SORCS2: variants seen among roughly 807,000 people sequenced by gnomAD.
SORCS2 encodes VPS10 domain-containing receptor SorCS2.
A neutral mutation model predicts 141.6 loss-of-function variants in SORCS2; 100 were observed. The ratio of observed to expected loss-of-function variants is 0.71; its 90% CI spans 0.60 to 0.83. SORCS2 has a LOEUF of 0.83. SORCS2 is among the 40% of genes least tolerant of loss of function. The pLI, the probability that SORCS2 is intolerant of heterozygous loss-of-function variation, is 0.00. For synonymous variants in SORCS2, 789 were observed against 676.9 expected (o/e 1.17, Z -2.57); for missense variants, 1,646 against 1,560.2 (o/e 1.05, Z -0.93).
chr4:7,668,740 A>G (rs1419822302), intron 8 of SORCS2, among the ~76,000 whole-genome samples: 1 of 152,254 alleles, frequency 6.6e-6, no homozygotes, highest in African/African-American at 2.4e-5. Context: ...AGGCAAAGGC[A>G]GTAGGTGTCT....
At chr4:7,645,373 G>A (rs546542806) in intron 4 of SORCS2, among the ~76,000 whole-genome samples, 31 of 152,328 alleles carry the variant, frequency 2.0e-4, no homozygotes, top group Non-Finnish European at 3.7e-4. Flanking sequence ...GTGTGACCTT[G>A]AGTAACTTAC....
chr4:7,305,344 G>C (rs1319944432), intron 1 of SORCS2, among the ~76,000 whole-genome samples: 1 of 89,920 alleles, frequency 1.1e-5, no homozygotes. Flanking sequence ...TCTGGCTCTT[G>C]TCCCATTTCT....
At chr4:7,602,949 G>A (rs1717829698) in intron 3 of SORCS2, among the ~76,000 whole-genome samples, 1 of 152,252 alleles carries the variant, frequency 6.6e-6, no homozygotes, top group Non-Finnish European at 1.5e-5. Flanking sequence ...TCGCGGTCAG[G>A]AGCTGGAGAC....
At chr4:7,248,583 T>G (rs1352483970) in intron 1 of SORCS2, among the ~76,000 whole-genome samples, 1 of 152,264 alleles carries the variant, frequency 6.6e-6, no homozygotes, top group African/African-American at 2.4e-5. Flanking sequence ...GACCCTGGGC[T>G]GTGTGCCTGT....
At chr4:7,420,509 A>G (rs1252681931) in intron 2 of SORCS2, among the ~76,000 whole-genome samples, 1 of 152,078 alleles carries the variant, frequency 6.6e-6, no homozygotes, top group Non-Finnish European at 1.5e-5. Flanking sequence ...GGCACTGGAG[A>G]GGTTCTGGCA....
Position 7,419,039 on chromosome 4 carries a change from A to T in SORCS2, c.548+22684A>T, listed in dbSNP as rs372022907. ...ATGGACTTGGAAGTCACGTAAGATC[A>T]CTTCTGCAAATCTCATTGGCCAAAG... On this transcript the variant is annotated intron_variant, in intron 2 of 26. Transcript: ENST00000507866. 6.1e-4 allele frequency among the ~76,000 whole-genome samples: 93 copies of T among 152,364 alleles called. 1 individual carries two copies. Among genetic ancestry groups the T allele is most frequent in the African/African-American group, 2.1e-3 (89 of 41,596 alleles).
intron 2 of SORCS2, among the ~76,000 whole-genome samples, chr4:7,522,060 A>G (rs1733361949): frequency 6.6e-6 from 1 of 152,216 alleles, no homozygotes; most frequent in Non-Finnish European, 1.5e-5. Flanking sequence ...CAGGACAGGC[A>G]CAGGAGGTCC....
chr4:7,651,380 G>A (rs899852496), intron 4 of SORCS2, among the ~76,000 whole-genome samples: 3 of 152,202 alleles, frequency 2.0e-5, no homozygotes, highest in Admixed American at 6.5e-5. Flanking sequence ...GGTGAGGATG[G>A]GAGCCCAGGC....
chr4:7,486,075 A>T (rs1024776250), intron 2 of SORCS2, among the ~76,000 whole-genome samples: 5 of 152,130 alleles, frequency 3.3e-5, no homozygotes, highest in Admixed American at 3.3e-4. Flanking sequence ...CAGCCTGGGG[A>T]TGGCAACTCC....
chr4:7,558,351 C>T (rs1577746234), intron 3 of SORCS2, among the ~76,000 whole-genome samples: 4 of 152,280 alleles, frequency 2.6e-5, no homozygotes. Context: ...AATAGTACCC[C>T]TCTATCAGTT....
At position 7,220,821 on chromosome 4, in the gene SORCS2, G is replaced by T. The variant is rs114197703; in HGVS notation, c.480+27695G>T. ...TCACCGAGCAGTGGGAAGTGACTTG[G>T]GGATGAGTTTGTGAGAAATTTCCAG... On this transcript the variant is annotated intron_variant, in intron 1 of 26. Transcript: ENST00000507866. 9.5e-3 allele frequency among the ~76,000 whole-genome samples: 1,442 copies of T among 152,184 alleles called. 21 individuals are homozygous for T. The highest frequency in any genetic ancestry group is 0.033 in the African/African-American group (1,359 of 41,510).
At chr4:7,488,953 C>G (rs931332282) in intron 2 of SORCS2, among the ~76,000 whole-genome samples, 1 of 152,264 alleles carries the variant, frequency 6.6e-6, no homozygotes, top group African/African-American at 2.4e-5. Context: ...TAAATGGTCA[C>G]TAGCTACATT....
chr4:7,314,271 A>C (rs897213093), intron 1 of SORCS2, among the ~76,000 whole-genome samples: 2 of 151,970 alleles, frequency 1.3e-5, no homozygotes, highest in African/African-American at 4.8e-5. Flanking sequence ...TGCGACATGC[A>C]GGGCTCCGCA....
chr4:7,556,293 C>T (rs1714100064), intron 3 of SORCS2, among the ~76,000 whole-genome samples: 1 of 152,034 alleles, frequency 6.6e-6, no homozygotes, highest in South Asian at 2.1e-4. Flanking sequence ...AATGAGTTTC[C>T]TCTGAGGATG....
chr4:7,215,279 G>A (rs1480818179), intron 1 of SORCS2, among the ~76,000 whole-genome samples: 6 of 152,206 alleles, frequency 3.9e-5, no homozygotes, highest in Admixed American at 6.5e-5. Context: ...CCGGGCCAGC[G>A]GCTGTGGAGG....
At position 7,233,060 on chromosome 4, in the gene SORCS2, G is replaced by T. The variant is rs1055142505; in HGVS notation, c.480+39934G>T. Among the ~76,000 whole-genome samples the T allele has an allele frequency of 6.6e-6, 1 of 152,164 alleles. No homozygotes were observed. The highest frequency in any genetic ancestry group is 2.4e-5 in the African/African-American group (1 of 41,442). On this transcript the variant is annotated intron_variant, in intron 1 of 26. Transcript: ENST00000507866. The surrounding 1 kb of genome is among the most constrained non-coding windows in gnomAD (Gnocchi z 4.5). Reference sequence around the variant, plus strand: ...GCTTTCTGGGGCATGGGTCAGCTGAGCCCAGGAGTCAGGCTTCGGCACCCG... The same window carrying T: ...GCTTTCTGGGGCATGGGTCAGCTGATCCCAGGAGTCAGGCTTCGGCACCCG...
chr4:7,249,918 C>G (rs1267945463), intron 1 of SORCS2, among the ~76,000 whole-genome samples: 1 of 152,190 alleles, frequency 6.6e-6, no homozygotes, highest in East Asian at 1.9e-4. Flanking sequence ...ATGCCCTCAG[C>G]AGGCTGAGGC....
chr4:7,557,083 C>T (rs1417355025), intron 3 of SORCS2, among the ~76,000 whole-genome samples: 2 of 152,210 alleles, frequency 1.3e-5, no homozygotes, highest in African/African-American at 4.8e-5. Context: ...ATGCTCTCCT[C>T]TCAGTGGGAA....
Position 7,257,048 on chromosome 4 carries a change from A to G in SORCS2, c.480+63922A>G, listed in dbSNP as rs114154938. 1.6e-3 allele frequency among the ~76,000 whole-genome samples: 249 copies of G among 152,282 alleles called. 1 individual carries two copies. The highest frequency in any genetic ancestry group is 5.9e-3 in the African/African-American group (244 of 41,552). On this transcript the variant is annotated intron_variant, in intron 1 of 26. Coordinates refer to ENST00000507866, the MANE Select transcript of SORCS2 (RefSeq NM_020777.3). ...ATAGGAACTTCTCAGTATTTCTAGA[A>G]CAGGACAAGTTTTGCTATTTTAACA...
Sources: gnomAD v4.1 joint callset for allele counts (sites outside exome capture counted in the v4.1 genomes callset) on GRCh38, gnomAD v4.1.1 for gene constraint, Gnocchi (gnomAD v3.1) non-coding constraint, MANE v1.5 for transcripts, NCBI Gene and HGNC (gene_info 2026-07-23, HGNC 2026-07-21) for gene names.